HAS3: variants seen among roughly 807,000 people sequenced by gnomAD.
HAS3 encodes hyaluronan synthase 3.
In HAS3, 27 loss-of-function variants were observed where a neutral mutation model predicts 50.3. The ratio of observed to expected loss-of-function variants is 0.54; its 90% confidence interval spans 0.40 to 0.74. The LOEUF (loss-of-function observed/expected upper bound fraction) is 0.74. HAS3 is among the 30% of genes least tolerant of loss of function. The pLI, the probability that HAS3 is intolerant of heterozygous loss-of-function variation, is 0.00. For synonymous variants in HAS3, 339 were observed against 310.9 expected (o/e 1.09, Z -0.95); for missense variants, 517 against 742.8 (o/e 0.70, Z 3.53).
rs918282641 is a variant in HAS3, at chr16:69,116,070, G to A, written c.*804G>A. On this transcript the variant is annotated 3_prime_UTR_variant, in exon 4 of 4. Transcript: ENST00000569188. ...GCTTGTCTGTGATCTCTGCTGGGGA[G>A]ATAAAAAGATTAAGCCCCAACATGT... is the stretch of plus-strand genomic sequence containing the variant. The A allele has an allele frequency of 3.0e-6, 3 of 985,490 alleles. No individual in the cohort carries two copies. The highest frequency in any genetic ancestry group is 1.2e-4 in the Admixed American group (2 of 16,272). 61.0% of individuals were successfully genotyped at this position (985,490 alleles called of 1,614,324 possible).
At position 69,116,287 on chromosome 16, in the gene HAS3, C is replaced by A. The variant is rs1032525424; in HGVS notation, c.*1021C>A. The stretch of plus-strand genomic sequence containing the variant: ...AAGGTTTTCAAGGTGGCAATTGGGG[C>A]GGAGCCCCGGCTCTTATAGAAGCTT... On this transcript the variant is annotated 3_prime_UTR_variant, in exon 4 of 4. Transcript: ENST00000569188. 2.8e-5 allele frequency: 28 copies of A among 985,546 alleles called. No individual in the cohort carries two copies. The highest frequency in any genetic ancestry group is 3.4e-5 in the Non-Finnish European group (28 of 829,834). 61.1% of individuals were successfully genotyped at this position (985,546 alleles called of 1,614,324 possible).
rs1314740053 is a variant in HAS3, at chr16:69,117,491, G to A, written c.*2225G>A. On this transcript the variant is annotated 3_prime_UTR_variant, in exon 4 of 4. Coordinates refer to ENST00000569188, the MANE Select transcript of HAS3 (RefSeq NM_001199280.2). ...GGGAAGAGCCTTTATACAATTGGACGCATTTTGGTTTTTCCTCATTGAGAA... is the reference window on the plus strand; with the variant it reads ...GGGAAGAGCCTTTATACAATTGGACACATTTTGGTTTTTCCTCATTGAGAA... 9.2e-6 allele frequency: 9 copies of A among 981,828 alleles called. No homozygotes were observed. The South Asian group carries it at 1.4e-4, about 15-fold the overall frequency. The allele number at this position is 981,828 out of a possible 1,614,324, so 60.8% of individuals were successfully genotyped here. A position where few individuals can be genotyped will look rare whatever the true frequency, so the allele number is the denominator to read the frequency against.
intron 2 of HAS3, among the ~76,000 whole-genome samples, chr16:69,111,599 G>A (rs1961003632): frequency 6.6e-6 from 1 of 152,192 alleles, no homozygotes; most frequent in Non-Finnish European, 1.5e-5. Flanking sequence ...CACTCAGATT[G>A]CGTGTCTGGC....
chr16:69,088,341 C>T, the HAS3 span, among the ~76,000 whole-genome samples: 2 of 151,942 alleles, frequency 1.3e-5, no homozygotes, highest in Non-Finnish European at 2.9e-5. Flanking sequence ...AGGCGGATCA[C>T]CTGAGGTCAG....
the HAS3 span, among the ~76,000 whole-genome samples, chr16:69,093,855 T>C: frequency 1.1e-3 from 167 of 152,256 alleles, no homozygotes; most frequent in Middle Eastern, 3.4e-3. Flanking sequence ...TTAACAGTTA[T>C]TCCTTGCAAG....
the HAS3 span, among the ~76,000 whole-genome samples, chr16:69,090,725 G>T: frequency 8.1e-6 from 1 of 122,876 alleles, no homozygotes; most frequent in East Asian, 2.0e-4. Flanking sequence ...GTGCTACCAC[G>T]CCTGGCTAAT....
intron 2 of HAS3, among the ~76,000 whole-genome samples, chr16:69,112,814 C>T (rs778297708): frequency 1.3e-5 from 2 of 152,244 alleles, no homozygotes; most frequent in South Asian, 2.1e-4. Context: ...CTGGAGGCAG[C>T]TGCTGCAGCT....
the HAS3 span, among the ~76,000 whole-genome samples, chr16:69,099,615 C>T: frequency 2.0e-5 from 3 of 152,116 alleles, no homozygotes; most frequent in Non-Finnish European, 2.9e-5. Flanking sequence ...CGTGAGCCAC[C>T]GCGCCCAGCC....
chr16:69,113,765 G>C (rs1452848525), intron 3 of HAS3, among the ~76,000 whole-genome samples: 3 of 152,182 alleles, frequency 2.0e-5, no homozygotes, highest in African/African-American at 4.8e-5. Context: ...ATGGAGCAGA[G>C]TCTATACTGC....
upstream of HAS3, among the ~76,000 whole-genome samples, chr16:69,101,299 TTA>T (rs1455145636): frequency 1.3e-5 from 2 of 152,078 alleles, no homozygotes; most frequent in African/African-American, 4.8e-5. Flanking sequence ...GGAAGCTCCT[TTA>T]TTTTTATTTT....
chr16:69,086,287 G>A, the HAS3 span, among the ~76,000 whole-genome samples: 1 of 150,970 alleles, frequency 6.6e-6, no homozygotes, highest in African/African-American at 2.4e-5. Context: ...ACCCACCTTA[G>A]CATCCCAAGT....
chr16:69,093,898 T>TGTTG, the HAS3 span, among the ~76,000 whole-genome samples: 1 of 152,164 alleles, frequency 6.6e-6, no homozygotes, highest in East Asian at 1.9e-4. Flanking sequence ...AATAGCTCTA[T>TGTTG]TCCCATACCA....
the HAS3 span, among the ~76,000 whole-genome samples, chr16:69,086,228 G>A: frequency 6.6e-6 from 1 of 151,508 alleles, no homozygotes; most frequent in Non-Finnish European, 1.5e-5. Flanking sequence ...GAGTGAAGTG[G>A]CATAATCATA....
chr16:69,115,326 G>A lies in HAS3; in HGVS notation c.*60G>A. 3.4e-6 allele frequency: 5 copies of A among 1,486,448 alleles called. No homozygotes were observed. Among genetic ancestry groups the A allele is most frequent in the South Asian group, 1.4e-5 (1 of 71,008 alleles). 92.1% of individuals were successfully genotyped at this position (1,486,448 alleles called of 1,614,324 possible). On this transcript the variant is annotated 3_prime_UTR_variant, in exon 4 of 4. Coordinates refer to ENST00000569188, the MANE Select transcript of HAS3 (RefSeq NM_001199280.2). ...GGTAAGGGAGGGAAGGGGAATGGAA[G>A]AGAAAAGACAGGGTGGGAGGGAGGA...
At chr16:69,102,850 G>A (rs1404822701), upstream of HAS3, among the ~76,000 whole-genome samples, 1 of 152,154 alleles carries the variant, frequency 6.6e-6, no homozygotes, top group African/African-American at 2.4e-5. Context: ...AGACAAACTT[G>A]CACCCAGAGA....
At chr16:69,095,858 C>G in the HAS3 span, among the ~76,000 whole-genome samples, 1 of 152,202 alleles carries the variant, frequency 6.6e-6, no homozygotes, top group Non-Finnish European at 1.5e-5. Context: ...TCCTGTGTGA[C>G]AGTGACTAAT....
rs758922256 is a variant in HAS3 at position 69,109,825 on chromosome 16, G to C, written c.430G>C (p.Glu144Gln). 1.2e-6 allele frequency: 2 copies of C among 1,612,734 alleles called. No individual in the cohort carries two copies. Among genetic ancestry groups the C allele is most frequent in the South Asian group, 1.1e-5 (1 of 91,078 alleles). ...CTTCCACGAGGTGCTGGGCGGCACC[G>C]AGCAGGCCGGCTTCTTTGTGTGGCG... ...DIFHEVLGGT[E>Q]QAGFFVWRSN... is the part of the protein sequence containing the mutation. Residue 144 changes from glutamate to glutamine, a missense_variant, in exon 2 of 4, where the codon GAG becomes CAG. Physicochemically the swap from Glu to Gln is conservative, Grantham distance 29. Coordinates refer to ENST00000569188, the MANE Select transcript of HAS3 (RefSeq NM_001199280.2). This position sits in a 1 kb window ranked among gnomAD's most constrained non-coding sequence, Gnocchi z 5.3.
rs1961153366 is a variant in HAS3, at chr16:69,115,535, C to T, written c.*269C>T. The T allele has an allele frequency of 2.6e-6, 3 of 1,171,974 alleles. No individual in the cohort carries two copies. Among genetic ancestry groups the T allele is most frequent in the Middle Eastern group, 3.4e-4 (1 of 2,956 alleles). 72.6% of individuals were successfully genotyped at this position (1,171,974 alleles called of 1,614,324 possible). The stretch of plus-strand genomic sequence containing the variant: ...GCTTGCATCTGCACATAGGCAGTAG[C>T]CTCCTCCTGGGCTCCAGAGGGCACT... On this transcript the variant is annotated 3_prime_UTR_variant, in exon 4 of 4. Transcript: ENST00000569188.
the HAS3 span, among the ~76,000 whole-genome samples, chr16:69,087,068 C>G: frequency 6.6e-6 from 1 of 152,300 alleles, no homozygotes; most frequent in South Asian, 2.1e-4. Context: ...GCTGCCGCCT[C>G]CACCTGGCTT....
Sources: allele counts gnomAD v4.1 joint callset (sites outside exome capture counted in the v4.1 genomes callset), GRCh38; gene constraint gnomAD v4.1.1; non-coding constraint Gnocchi (gnomAD v3.1); transcripts MANE v1.5; gene names NCBI Gene and HGNC (gene_info 2026-07-23, HGNC 2026-07-21).